CNTN4: variants seen among roughly 807,000 people sequenced by gnomAD.
CNTN4 encodes contactin-4.
A neutral mutation model predicts 122.5 loss-of-function variants in CNTN4; 77 were observed. That is an observed-to-expected ratio of 0.63 (90% CI 0.52 to 0.76). The LOEUF is 0.76. CNTN4 is among the 30% of genes least tolerant of loss of function. CNTN4 has a pLI of 0.00. For missense variants in CNTN4, 1,256 were observed against 1,259.1 expected (o/e 1.00, Z 0.04); for synonymous variants, 512 against 447.0 (o/e 1.15, Z -1.83).
At chr3:2,493,660 A>G (rs1210497808) in intron 3 of CNTN4, among the ~76,000 whole-genome samples, 1 of 152,058 alleles carries the variant, frequency 6.6e-6, no homozygotes, top group Non-Finnish European at 1.5e-5. Context: ...TACTTTAATA[A>G]TAGAACACCA....
chr3:2,487,699 T>C (rs1168620050), intron 3 of CNTN4, among the ~76,000 whole-genome samples: 1 of 152,238 alleles, frequency 6.6e-6, no homozygotes, highest in Non-Finnish European at 1.5e-5. Flanking sequence ...GGCTAGATAC[T>C]ACATTGATAT....
intron 2 of CNTN4, among the ~76,000 whole-genome samples, chr3:2,277,842 T>G (rs1378701717): frequency 6.6e-6 from 1 of 152,198 alleles, no homozygotes; most frequent in African/African-American, 2.4e-5. Flanking sequence ...ACAATGCTAT[T>G]TATTGAATTT....
chr3:2,829,821 C>G (rs944673852), intron 7 of CNTN4, among the ~76,000 whole-genome samples: 1 of 152,014 alleles, frequency 6.6e-6, no homozygotes, highest in Non-Finnish European at 1.5e-5. Flanking sequence ...TTAAAGTAAC[C>G]TTGTAGAGAA....
At position 2,363,651 on chromosome 3, in the gene CNTN4, T is replaced by C. The variant is rs566781802; in HGVS notation, c.-89+24418T>C. Among the ~76,000 whole-genome samples, 42 of 152,316 alleles carry C rather than the reference T, an allele frequency of 2.8e-4. No homozygotes were observed. In the South Asian group the frequency reaches 8.5e-3, roughly 31 times the overall value. ...TCCAGATTTACCTGACTCTGGAAAC[T>C]CTTTTCTTTTCACTGCACTCTGATA... On this transcript the variant is annotated intron_variant, in intron 3 of 24. Transcript: ENST00000418658.
rs907834613 is a variant in CNTN4, at chr3:2,946,462, G to A, written c.1358+20683G>A. Among the ~76,000 whole-genome samples, 3 of 152,190 alleles carry A rather than the reference G, an allele frequency of 2.0e-5. No individual in the cohort carries two copies. In the East Asian group the frequency reaches 5.8e-4, roughly 29 times the overall value. ...ATGTAACGTCATGTCTCACTGTAAA[G>A]CAATAAAGCTTTCTAGCAAGAAGAG... On this transcript the variant is annotated intron_variant, in intron 13 of 24. Coordinates refer to ENST00000418658, the MANE Select transcript of CNTN4 (RefSeq NM_175607.3).
At chr3:2,689,511 C>T (rs2085614070) in intron 4 of CNTN4, among the ~76,000 whole-genome samples, 2 of 152,106 alleles carry the variant, frequency 1.3e-5, no homozygotes, top group Non-Finnish European at 2.9e-5. Flanking sequence ...CTTGCCTCAA[C>T]CCATTTGTCT....
At position 2,846,418 on chromosome 3, in the gene CNTN4, G is replaced by T. The variant is rs151060140; in HGVS notation, c.455-20334G>T. Among the ~76,000 whole-genome samples the T allele has an allele frequency of 3.2e-3, 493 of 152,260 alleles. 3 individuals are homozygous for T. Among genetic ancestry groups the T allele is most frequent in the African/African-American group, 0.011 (467 of 41,536 alleles). On this transcript the variant is annotated intron_variant, in intron 7 of 24. Coordinates refer to ENST00000418658, the MANE Select transcript of CNTN4 (RefSeq NM_175607.3). ...GTTTACTTCCCCTACCACCATGATT[G>T]TAAGTTTCCTGAGGCATCCCCAGCC...
chr3:2,585,370 C>T (rs7649196), intron 4 of CNTN4, among the ~76,000 whole-genome samples: 1 of 151,388 alleles, frequency 6.6e-6, no homozygotes, highest in Non-Finnish European at 1.5e-5. Context: ...AATCATGCTG[C>T]TATAAAGACA....
At chr3:2,939,573 A>T (rs2094595222) in intron 13 of CNTN4, among the ~76,000 whole-genome samples, 1 of 152,200 alleles carries the variant, frequency 6.6e-6, no homozygotes, top group African/African-American at 2.4e-5. Flanking sequence ...GCCCCTAAAA[A>T]TGATCACATG....
At chr3:2,971,432 A>G (rs1692919099) in intron 13 of CNTN4, among the ~76,000 whole-genome samples, 1 of 152,130 alleles carries the variant, frequency 6.6e-6, no homozygotes, top group South Asian at 2.1e-4. Flanking sequence ...CTAGTGAATG[A>G]TCTGGAATTC....
In CNTN4 at chr3:2,931,379, T is replaced by C. The variant is rs115329974; in HGVS notation, c.1358+5600T>C. ...CAGTTCCTAATACCACTTGCCGCAG[T>C]AGTAAACAGAGAAGGAGCAAGACTG... On this transcript the variant is annotated intron_variant, in intron 13 of 24. Coordinates refer to ENST00000418658, the MANE Select transcript of CNTN4 (RefSeq NM_175607.3). Among the ~76,000 whole-genome samples the C allele has an allele frequency of 1.2e-3, 183 of 152,220 alleles. 1 individual carries two copies. The highest frequency in any genetic ancestry group is 4.2e-3 in the African/African-American group (173 of 41,534).
rs182342234 is a variant in CNTN4, at chr3:2,452,521, A to G, written c.-89+113288A>G. The stretch of plus-strand genomic sequence containing the variant: ...CCAAGTGATCCTCATCTATAATTAC[A>G]GTGCTAGTTTGTTACTCATTGTCCC... On this transcript the variant is annotated intron_variant, in intron 3 of 24. Transcript: ENST00000418658. Among the ~76,000 whole-genome samples, 275 of 152,290 alleles carry G rather than the reference A, an allele frequency of 1.8e-3. 1 individual carries two copies. Among genetic ancestry groups the G allele is most frequent in the African/African-American group, 5.9e-3 (245 of 41,566 alleles).
chr3:2,649,718 T>C (rs2150181595), intron 4 of CNTN4, among the ~76,000 whole-genome samples: 1 of 152,292 alleles, frequency 6.6e-6, no homozygotes. Flanking sequence ...TTTCAAGTCT[T>C]ATTTAAGAAA....
intron 2 of CNTN4, among the ~76,000 whole-genome samples, chr3:2,136,885 T>C (rs1300924787): frequency 6.6e-6 from 1 of 152,190 alleles, no homozygotes; most frequent in Non-Finnish European, 1.5e-5. Context: ...GATGAAAATA[T>C]AGAGATTATT....
At chr3:2,318,194 G>A (rs1253833336) in intron 2 of CNTN4, among the ~76,000 whole-genome samples, 1 of 150,586 alleles carries the variant, frequency 6.6e-6, no homozygotes, top group Non-Finnish European at 1.5e-5. Flanking sequence ...CTCTAGCCTG[G>A]GCAGGGTAAC....
intron 6 of CNTN4, among the ~76,000 whole-genome samples, chr3:2,787,584 A>G (rs1559503757): frequency 6.6e-6 from 1 of 152,060 alleles, no homozygotes; most frequent in Non-Finnish European, 1.5e-5. Flanking sequence ...ACTGAATTGC[A>G]TTTTCTGGAA....
At chr3:3,029,489 C>T (rs1483779331) in intron 15 of CNTN4, among the ~76,000 whole-genome samples, 1 of 152,222 alleles carries the variant, frequency 6.6e-6, no homozygotes, top group African/African-American at 2.4e-5. Flanking sequence ...TGTAGCTCTT[C>T]CTTCACTCCA....
intron 3 of CNTN4, among the ~76,000 whole-genome samples, chr3:2,399,202 C>A (rs1219582280): frequency 1.3e-5 from 2 of 152,050 alleles, no homozygotes; most frequent in African/African-American, 4.8e-5. Context: ...CCTTTCTGTT[C>A]TGGTTTGCCC....
rs4685547 is a variant in CNTN4 at position 2,745,848 on chromosome 3, A to G, written c.358+151A>G. The G allele has an allele frequency of 0.9, 618,931 of 691,506 alleles. 278,113 individuals carry two copies. The highest frequency in any genetic ancestry group is 0.93 in the Admixed American group (40,461 of 43,404). 42.8% of individuals were successfully genotyped at this position (691,506 alleles called of 1,614,324 possible). A position where few individuals can be genotyped will look rare whatever the true frequency, so the allele number is the denominator to read the frequency against. On this transcript the variant is annotated intron_variant, in intron 6 of 24. Coordinates refer to ENST00000418658, the MANE Select transcript of CNTN4 (RefSeq NM_175607.3). Reference sequence around the variant, plus strand: ...TTTTTCACATTTTGGAAACAATTTTATTTGTAGGATAAACTGTAAATCTAA... The same window carrying G: ...TTTTTCACATTTTGGAAACAATTTTGTTTGTAGGATAAACTGTAAATCTAA...
Sources: allele counts gnomAD v4.1 joint callset (sites outside exome capture counted in the v4.1 genomes callset), GRCh38; gene constraint gnomAD v4.1.1; transcripts MANE v1.5; gene names NCBI Gene and HGNC (gene_info 2026-07-23, HGNC 2026-07-21).